The following LSAMP variants were observed in gnomAD, a reference collection of about 807,000 sequenced individuals.
LSAMP encodes limbic system associated membrane protein.
A neutral mutation model predicts 38.6 loss-of-function variants in LSAMP; 7 were observed. That is an observed-to-expected ratio of 0.18 (90% confidence interval 0.10 to 0.34). The LOEUF (loss-of-function observed/expected upper bound fraction) is 0.34, where lower values mean the gene tolerates loss of function less well. Ranked by LOEUF, LSAMP falls within the 10% of genes least tolerant of loss-of-function variation. The probability of loss-of-function intolerance (pLI) is 1.00; values close to 1 mark genes in which losing one functional copy is unlikely to be tolerated. For missense variants in LSAMP, 313 were observed against 420.0 expected, an observed-to-expected ratio of 0.75 and a Z score of 2.23; for synonymous variants, 154 against 166.8, an observed-to-expected ratio of 0.92 and a Z score of 0.59.
chr3:116,386,688 G>A (rs566814865), intron 1 of LSAMP, among the ~76,000 whole-genome samples: 1 of 152,180 alleles, frequency 6.6e-6, no homozygotes, highest in East Asian at 1.9e-4. Context: ...GCCTAGGCTG[G>A]TCTCAAAGTC....
At chr3:116,095,254 CA>C (rs1484235157) in intron 1 of LSAMP, among the ~76,000 whole-genome samples, 1 of 152,174 alleles carries the variant, frequency 6.6e-6, no homozygotes, top group Non-Finnish European at 1.5e-5. Flanking sequence ...CCTGAAAGTG[CA>C]AAAGTTCACA....
At chr3:115,892,303 A>C (rs1936619013) in intron 3 of LSAMP, among the ~76,000 whole-genome samples, 1 of 152,028 alleles carries the variant, frequency 6.6e-6, no homozygotes, top group African/African-American at 2.4e-5. Flanking sequence ...TGTCCAAGAC[A>C]TTCTCAGCAG....
At chr3:115,901,930 A>G (rs34981609) in intron 3 of LSAMP, among the ~76,000 whole-genome samples, 20,939 of 152,122 alleles carry the variant, frequency 0.14, 1,545 homozygotes, top group Middle Eastern at 0.21. Flanking sequence ...ACAGATAACT[A>G]TTTCTGGTAA....
chr3:116,332,694 G>A (rs1482256743), intron 1 of LSAMP, among the ~76,000 whole-genome samples: 1 of 151,972 alleles, frequency 6.6e-6, no homozygotes, highest in African/African-American at 2.4e-5. Context: ...AAAATATATG[G>A]ATTAGTAGAA....
intron 3 of LSAMP, among the ~76,000 whole-genome samples, chr3:115,986,677 C>T (rs1029733535): frequency 5.3e-5 from 8 of 151,306 alleles, no homozygotes; most frequent in African/African-American, 1.9e-4. Flanking sequence ...GATGGCAGAT[C>T]CAGGAGCCAC....
chr3:115,852,725 T>TGAAAA, intron 3 of LSAMP, 108 bp from the exon 4 acceptor site: 1 of 1,126,530 alleles, frequency 8.9e-7, no homozygotes, highest in Non-Finnish European at 1.2e-6. Context: ...TTCAATGATT[T>TGAAAA]GAAAATGTAC....
chr3:116,185,721 G>A (rs779791111), intron 1 of LSAMP, among the ~76,000 whole-genome samples: 1 of 151,970 alleles, frequency 6.6e-6, no homozygotes. Flanking sequence ...CATTCTAATT[G>A]TCATTCTTCA....
chr3:115,957,375 A>C (rs1428086318), intron 3 of LSAMP, among the ~76,000 whole-genome samples: 1 of 152,108 alleles, frequency 6.6e-6, no homozygotes, highest in Non-Finnish European at 1.5e-5. Flanking sequence ...CCATATACTA[A>C]TATTTAATGA....
intron 1 of LSAMP, among the ~76,000 whole-genome samples, chr3:116,147,294 A>G (rs992675715): frequency 6.6e-6 from 1 of 151,806 alleles, no homozygotes; most frequent in African/African-American, 2.4e-5. Context: ...TTCCCATACA[A>G]TCCATTGACA....
At chr3:115,828,859 T>C (rs1934515274) in intron 6 of LSAMP, among the ~76,000 whole-genome samples, 2 of 152,198 alleles carry the variant, frequency 1.3e-5, no homozygotes, top group South Asian at 4.1e-4. Context: ...CTGCTGGCTC[T>C]AGACATCTAA....
At chr3:115,992,788 T>C (rs572152174) in intron 3 of LSAMP, among the ~76,000 whole-genome samples, 1 of 152,184 alleles carries the variant, frequency 6.6e-6, no homozygotes, top group South Asian at 2.1e-4. Context: ...GATGGATAAT[T>C]AAGAAGTTGC....
At chr3:115,818,588 G>C (rs1163759331) in intron 6 of LSAMP, among the ~76,000 whole-genome samples, 1 of 151,402 alleles carries the variant, frequency 6.6e-6, no homozygotes, top group Non-Finnish European at 1.5e-5. Flanking sequence ...TTACAATGGT[G>C]CCAGACACAT....
chr3:116,131,736 CA>C (rs1709138972), intron 1 of LSAMP, among the ~76,000 whole-genome samples: 1 of 151,426 alleles, frequency 6.6e-6, no homozygotes. Flanking sequence ...ATCTTGTAGC[CA>C]AAAAAAGTAC....
chr3:115,879,419 T>C (rs1936266702), intron 3 of LSAMP, among the ~76,000 whole-genome samples: 1 of 152,154 alleles, frequency 6.6e-6, no homozygotes, highest in Admixed American at 6.5e-5. Flanking sequence ...CATTTATTAG[T>C]TATATCAGGT....
chr3:116,092,619 C>T (rs564045028), intron 1 of LSAMP, among the ~76,000 whole-genome samples: 1 of 152,278 alleles, frequency 6.6e-6, no homozygotes, highest in South Asian at 2.1e-4. Flanking sequence ...TCAATGCACC[C>T]ATACAAATCT....
intron 1 of LSAMP, among the ~76,000 whole-genome samples, chr3:116,121,822 G>C (rs1431812595): frequency 1.3e-5 from 2 of 151,920 alleles, no homozygotes; most frequent in East Asian, 3.9e-4. Flanking sequence ...GCCCCAGATG[G>C]CTTTGAATGT....
At chr3:116,307,168 CTT>C (rs2047495193) in intron 1 of LSAMP, among the ~76,000 whole-genome samples, 1 of 152,002 alleles carries the variant, frequency 6.6e-6, no homozygotes, top group African/African-American at 2.4e-5. Context: ...TTTGCATTCT[CTT>C]TGCCAAATTT....
intron 1 of LSAMP, among the ~76,000 whole-genome samples, chr3:116,174,569 A>C (rs1710289497): frequency 6.6e-6 from 1 of 152,080 alleles, no homozygotes; most frequent in African/African-American, 2.4e-5. Context: ...TTAGCCTATA[A>C]AACTACTGCT....
chr3:116,285,613 T>C (rs2047185412), intron 1 of LSAMP, among the ~76,000 whole-genome samples: 1 of 152,166 alleles, frequency 6.6e-6, no homozygotes, highest in African/African-American at 2.4e-5. Flanking sequence ...AGAATTTATA[T>C]AGAAACAAGT....
Sources: allele counts gnomAD v4.1 joint callset (sites outside exome capture counted in the v4.1 genomes callset), GRCh38; gene constraint gnomAD v4.1.1; transcripts MANE v1.5; gene names NCBI Gene and HGNC (gene_info 2026-07-23, HGNC 2026-07-21).